FSIP2: variants seen among roughly 807,000 people sequenced by gnomAD.
FSIP2 encodes the protein fibrous sheath interacting protein 2.
Under a neutral mutation model 510.5 loss-of-function variants are expected in FSIP2, and 367 were observed. That is an observed-to-expected ratio of 0.72 (90% CI 0.66 to 0.78). The LOEUF (loss-of-function observed/expected upper bound fraction) is 0.78. FSIP2 is among the 30% of genes least tolerant of loss of function. FSIP2 has a pLI of 0.00. For synonymous variants in FSIP2, 2,601 were observed against 2,732.2 expected (o/e 0.95, Z 1.50); for missense variants, 7,594 against 7,901.7 (o/e 0.96, Z 1.48).
rs1201551271 is a variant in FSIP2 at position 185,793,994 on chromosome 2, C to T, written c.6858C>T (p.Ile2286=). 1 of 1,532,686 alleles carries T rather than the reference C, an allele frequency of 6.5e-7. No individual in the cohort carries two copies. The highest frequency in any genetic ancestry group is 1.4e-5 in the African/African-American group (1 of 72,832). The allele number at this position is 1,532,686 out of a possible 1,614,324, so 94.9% of individuals were successfully genotyped here. ...AAAGTAAAGAAAAGTCATTTGTTAT[C>T]CCAGAATTGGAAAATTGTAAACAAA... ...AFQSKEKSFV[I]PELENCKQND... Residue 2286 remains isoleucine (I), a synonymous_variant, in exon 16 of 23, where the codon ATC becomes ATT. Coordinates refer to ENST00000424728, the MANE Select transcript of FSIP2 (RefSeq NM_173651.4).
chr2:185,743,496 C>G (rs183249497), intron 3 of FSIP2, among the ~76,000 whole-genome samples: 1 of 152,228 alleles, frequency 6.6e-6, no homozygotes, highest in African/African-American at 2.4e-5. Flanking sequence ...AGTACTTCTT[C>G]CTTCACCTTT....
intron 13 of FSIP2, among the ~76,000 whole-genome samples, chr2:185,771,143 C>T (rs958298737): frequency 3.3e-5 from 5 of 152,202 alleles, no homozygotes; most frequent in South Asian, 2.1e-4. Flanking sequence ...TGATTTGAGT[C>T]TAATGCCTGC....
chr2:185,812,107 T>A (rs1309528157), intron 17 of FSIP2, among the ~76,000 whole-genome samples: 3 of 152,032 alleles, frequency 2.0e-5, no homozygotes, highest in Non-Finnish European at 2.9e-5. Flanking sequence ...GAATGGTAGA[T>A]CCACTTGCAT....
chr2:185,807,907 A>C lies in FSIP2; in HGVS notation c.18601A>C (p.Arg6201=). Residue 6201 remains arginine (R), a synonymous_variant, in exon 17 of 23, where the codon AGA becomes CGA. Transcript: ENST00000424728. The part of the protein sequence containing the change: ...LSIFPKVHKE[R]TKSLETDMQK... The stretch of plus-strand genomic sequence containing the variant: ...TATATTTCCAAAAGTACATAAAGAA[A>C]GAACAAAATCTCTAGAGACTGATAT... The C allele has an allele frequency of 6.2e-7, 1 of 1,602,202 alleles. No individual in the cohort carries two copies. The highest frequency in any genetic ancestry group is 1.1e-5 in the South Asian group (1 of 88,502).
Position 185,813,778 on chromosome 2 carries a change from G to C in FSIP2, c.20061G>C (p.Val6687=). 6.2e-7 allele frequency: 1 copy of C among 1,613,184 alleles called. No homozygotes were observed. Among genetic ancestry groups the C allele is most frequent in the Non-Finnish European group, 8.5e-7 (1 of 1,179,630 alleles). The change falls in exon 18 of 23, where the codon GTG becomes GTC. Residue 6687 remains valine, a synonymous_variant. Transcript: ENST00000424728. ...EEGIKVFEDQ[V]KEVKKPIQSK... ...GCATCAAAGTATTTGAAGATCAAGT[G>C]AAAGAAGTCAAGAAGCCAATACAAA... is the stretch of plus-strand genomic sequence containing the variant.
chr2:185,789,482 G>C lies in FSIP2; in HGVS notation c.2346G>C (p.Leu782Phe). ...GTGTTGAGATGTTTTCACAAGATTTGTCAGTCGACATTAAACCAAGTTTAG... is the reference window on the plus strand; with the variant it reads ...GTGTTGAGATGTTTTCACAAGATTTCTCAGTCGACATTAAACCAAGTTTAG... ...KKCVEMFSQDLSVDIKPSLAA... is the reference protein window; with the variant it reads ...KKCVEMFSQDFSVDIKPSLAA... Residue 782 changes from leucine (L) to phenylalanine (F), a missense_variant, in exon 16 of 23, where the codon TTG (leucine) becomes TTC (phenylalanine). Physicochemically the swap from Leu to Phe is conservative, Grantham distance 22 (BLOSUM62 0). Coordinates refer to ENST00000424728, the MANE Select transcript of FSIP2 (RefSeq NM_173651.4). The C allele has an allele frequency of 6.5e-7, 1 of 1,534,590 alleles. No individual in the cohort carries two copies.
Position 185,762,073 on chromosome 2 carries a change from TTTA to T in FSIP2, c.1240+61_1240+63del. The T allele has an allele frequency of 1.5e-5, 12 of 788,798 alleles. No homozygotes were observed. In the South Asian group the frequency reaches 2.1e-4, roughly 14 times the overall value. 48.9% of individuals were successfully genotyped at this position (788,798 alleles called of 1,614,324 possible). A position where few individuals can be genotyped will look rare whatever the true frequency, so the allele number is the denominator to read the frequency against. On this transcript the variant is annotated intron_variant, in intron 11 of 22. Transcript: ENST00000424728. Reference sequence around the variant, plus strand: ...CTGTTATTAGGCATGCAATTATAGTTTTATTATATATTTTAAGTTGTTTTATCT... The same window carrying T: ...CTGTTATTAGGCATGCAATTATAGTTTTATATATTTTAAGTTGTTTTATCT...
chr2:185,794,599 A>T lies in FSIP2; in HGVS notation c.7463A>T (p.Glu2488Val), dbSNP rs1213010932. The T allele has an allele frequency of 1.3e-6, 2 of 1,532,138 alleles. No individual in the cohort carries two copies. The highest frequency in any genetic ancestry group is 1.4e-5 in the African/African-American group (1 of 72,740). The allele number at this position is 1,532,138 out of a possible 1,614,324, so 94.9% of individuals were successfully genotyped here. A position where few individuals can be genotyped will look rare whatever the true frequency, so the allele number is the denominator to read the frequency against. The change falls in exon 16 of 23, where the codon GAA becomes GTA. Residue 2488 changes from glutamate (E) to valine (V), a missense_variant. Glu to Val is a moderately radical substitution (Grantham distance 121). Transcript: ENST00000424728. ...KEKGELLIAV[E>V]ELLNKLYQRV... ...AAAGGTGAACTGCTCATTGCAGTGG[A>T]AGAACTTTTGAATAAGTTGTATCAA...
chr2:185,770,094 T>C (rs1040065759), intron 13 of FSIP2, among the ~76,000 whole-genome samples: 11 of 152,180 alleles, frequency 7.2e-5, no homozygotes, highest in Non-Finnish European at 1.3e-4. Flanking sequence ...AATAATGTTT[T>C]CTTGTTGTGT....
chr2:185,825,875 T>C (rs1363566629), intron 20 of FSIP2, among the ~76,000 whole-genome samples: 1 of 151,792 alleles, frequency 6.6e-6, no homozygotes, highest in East Asian at 2.0e-4. Context: ...ACAAGATAAT[T>C]CCAGACATTG....
At position 185,805,460 on chromosome 2, in the gene FSIP2, C is replaced by T. The variant is rs1174405162; in HGVS notation, c.16154C>T (p.Thr5385Ile). The T allele has an allele frequency of 5.0e-6, 8 of 1,611,166 alleles. No homozygotes were observed. The highest frequency in any genetic ancestry group is 6.8e-6 in the Non-Finnish European group (8 of 1,178,258). ...GCTATAGGGATGATTGCTGCTCTAA[C>T]CCAGAAGGCAATATCTGCATTCAGG... is the stretch of plus-strand genomic sequence containing the variant. ...NIAIGMIAAL[T>I]QKAISAFRIQ... The change falls in exon 17 of 23, where the codon ACC (threonine) becomes ATC (isoleucine). Residue 5385 changes from threonine (T) to isoleucine (I), a missense_variant. Coordinates refer to ENST00000424728, the MANE Select transcript of FSIP2 (RefSeq NM_173651.4).
chr2:185,744,389 A>G lies in FSIP2; in HGVS notation c.455A>G (p.Glu152Gly), dbSNP rs1420139788. The change falls in exon 4 of 23, where the codon GAG (glutamate) becomes GGG (glycine). Residue 152 changes from glutamate to glycine, a missense_variant. Coordinates refer to ENST00000424728, the MANE Select transcript of FSIP2 (RefSeq NM_173651.4). The stretch of plus-strand genomic sequence containing the variant: ...CTTACCAGTTTAAAATTAGACTTTG[A>G]GAGAAACTATATAAAAGAACAAGTA... ...QYLTSLKLDF[E>G]RNYIKEQRIL... The G allele has an allele frequency of 8.7e-7, 1 of 1,152,462 alleles. No homozygotes were observed. Among genetic ancestry groups the G allele is most frequent in the Admixed American group, 3.3e-5 (1 of 29,956 alleles). 71.4% of individuals were successfully genotyped at this position (1,152,462 alleles called of 1,614,324 possible). A position where few individuals can be genotyped will look rare whatever the true frequency, so the allele number is the denominator to read the frequency against.
chr2:185,738,468 A>G (rs1574147652), upstream of FSIP2: 3 of 761,418 alleles, frequency 3.9e-6, no homozygotes, highest in East Asian at 2.7e-5. Context: ...GGTGTGGTCT[A>G]TATGGGGGAA....
chr2:185,800,749 C>A lies in FSIP2; in HGVS notation c.11443C>A (p.Gln3815Lys). The stretch of plus-strand genomic sequence containing the variant: ...GGGAGGAATGGACTGTGAATGCCTT[C>A]AAGTAGATTACATGTCAGACCTTTT... ...RKGGMDCECL[Q>K]VDYMSDLLEN... Residue 3815 changes from glutamine (Q) to lysine (K), a missense_variant, in exon 17 of 23, where the codon CAA (glutamine) becomes AAA (lysine). Physicochemically the swap from Gln to Lys is moderately conservative, Grantham distance 53 (BLOSUM62 1). Coordinates refer to ENST00000424728, the MANE Select transcript of FSIP2 (RefSeq NM_173651.4). The A allele has an allele frequency of 6.5e-7, 1 of 1,533,764 alleles. No individual in the cohort carries two copies.
intron 8 of FSIP2, among the ~76,000 whole-genome samples, chr2:185,754,761 T>C (rs1010081876): frequency 6.6e-6 from 1 of 151,512 alleles, no homozygotes; most frequent in African/African-American, 2.4e-5. Flanking sequence ...CTAGTGGTGA[T>C]ATGCACAGGC....
At chr2:185,783,523 T>C (rs1692899663) in intron 14 of FSIP2, among the ~76,000 whole-genome samples, 1 of 152,140 alleles carries the variant, frequency 6.6e-6, no homozygotes, top group Non-Finnish European at 1.5e-5. Flanking sequence ...GCAAATGATA[T>C]TGACATGTTC....
chr2:185,795,544 A>G lies in FSIP2; in HGVS notation c.8408A>G (p.Gln2803Arg). ...AAATCCTCACATCTCAGACTTTCAC[A>G]GGGGAATATAGGCACAGGATCCCTT... ...PMKSSHLRLS[Q>R]GNIGTGSLPK... The change falls in exon 16 of 23, where the codon CAG (glutamine) becomes CGG (arginine). Residue 2803 changes from glutamine (Q) to arginine (R), a missense_variant. Physicochemically the swap from Gln to Arg is conservative, Grantham distance 43. Transcript: ENST00000424728. 1 of 1,534,822 alleles carries G rather than the reference A, an allele frequency of 6.5e-7. No individual in the cohort carries two copies. The highest frequency in any genetic ancestry group is 8.7e-7 in the Non-Finnish European group (1 of 1,146,008).
chr2:185,772,503 A>C (rs1340553139), intron 13 of FSIP2, among the ~76,000 whole-genome samples: 1 of 152,146 alleles, frequency 6.6e-6, no homozygotes, highest in East Asian at 1.9e-4. Context: ...GGCATATCAC[A>C]TGGTAAGAAA....
At chr2:185,765,255 T>C (rs1692443668) in intron 13 of FSIP2, 1 of 152,056 alleles carries the variant, frequency 6.6e-6, no homozygotes. Flanking sequence ...GTATATACAG[T>C]AAAGTGTTCA....
Sources: allele counts gnomAD v4.1 joint callset (sites outside exome capture counted in the v4.1 genomes callset), GRCh38; gene constraint gnomAD v4.1.1; transcripts MANE v1.5; gene names NCBI Gene and HGNC (gene_info 2026-07-23, HGNC 2026-07-21).